The following CSTF3 variants were observed in gnomAD, a reference collection of about 807,000 sequenced individuals.
CSTF3 encodes the protein cleavage stimulation factor subunit 3, also known as CF-1 77 kDa subunit.
A neutral mutation model predicts 105.8 loss-of-function variants in CSTF3; 29 were observed. The ratio of observed to expected loss-of-function variants is 0.27; its 90% CI spans 0.20 to 0.37. The LOEUF (loss-of-function observed/expected upper bound fraction) is 0.37, where lower values mean the gene tolerates loss of function less well. CSTF3 is among the 10% of genes least tolerant of loss of function. CSTF3 has a pLI of 1.00. For missense variants in CSTF3, 357 were observed against 879.3 expected, an observed-to-expected ratio of 0.41 and a Z score of 7.51; for synonymous variants, 252 against 281.9, an observed-to-expected ratio of 0.89 and a Z score of 1.06.
At chr11:33,143,627 G>C (rs1374966046) in intron 1 of CSTF3, among the ~76,000 whole-genome samples, 1 of 152,136 alleles carries the variant, frequency 6.6e-6, no homozygotes, top group South Asian at 2.1e-4. Context: ...GTGTGTGCCT[G>C]TAATCCCTGC....
intron 3 of CSTF3, among the ~76,000 whole-genome samples, chr11:33,135,316 G>A (rs960835982): frequency 6.6e-6 from 1 of 152,126 alleles, no homozygotes; most frequent in African/African-American, 2.4e-5. Context: ...AGCAAGCCAG[G>A]AGACTAATCA....
At chr11:33,094,976 G>A (rs745459950) in intron 15 of CSTF3, among the ~76,000 whole-genome samples, 35 of 152,204 alleles carry the variant, frequency 2.3e-4, no homozygotes, top group Non-Finnish European at 3.8e-4. Flanking sequence ...TCGGCTCACC[G>A]CAGCCTCCCC....
chr11:33,156,123 C>T (rs1185915706), intron 1 of CSTF3, among the ~76,000 whole-genome samples: 3 of 152,186 alleles, frequency 2.0e-5, no homozygotes, highest in African/African-American at 7.2e-5. Flanking sequence ...TTTGATAATG[C>T]TCCAGTTTCC....
intron 3 of CSTF3, among the ~76,000 whole-genome samples, chr11:33,125,908 G>A (rs1009712018): frequency 6.6e-6 from 1 of 152,106 alleles, no homozygotes; most frequent in Admixed American, 6.6e-5. Context: ...CCTTAGTGCT[G>A]TAAGTTCAAT....
chr11:33,091,798 T>C (rs1338817041), intron 16 of CSTF3, among the ~76,000 whole-genome samples: 2 of 152,036 alleles, frequency 1.3e-5, no homozygotes, highest in African/African-American at 4.8e-5. Context: ...AGCCTCAACC[T>C]CCTGGGCTCA....
At chr11:33,129,394 C>CT (rs967909642) in intron 3 of CSTF3, among the ~76,000 whole-genome samples, 2,504 of 144,090 alleles carry the variant, frequency 0.017, 21 homozygotes, top group Middle Eastern at 0.033. Context: ...GCCCGGCCTA[C>CT]TTTTTTTTTT....
At position 33,098,705 on chromosome 11, in the gene CSTF3, A is replaced by C; in HGVS notation, c.1113T>G (p.Asp371Glu). ...SIYNRLLAIE[D>E]IDPTLVYIQY... ...AGTTACTCACCAAGGTAGGGTCAAT[A>C]TCCTCAATTGCCAGAAGTCTGTTAT... The change falls in exon 13 of 21, where the codon GAT becomes GAG. Residue 371 changes from aspartate to glutamate, a missense_variant. By Grantham distance (45) the Asp-to-Glu change is conservative. This residue lies in a region of CSTF3 where 206 missense variants were observed against 576.5 expected (regional missense o/e 0.36). Coordinates refer to ENST00000323959, the MANE Select transcript of CSTF3 (RefSeq NM_001326.3). 6.3e-7 allele frequency: 1 copy of C among 1,583,482 alleles called. No homozygotes were observed. The highest frequency in any genetic ancestry group is 8.6e-7 in the Non-Finnish European group (1 of 1,166,956).
At chr11:33,157,937 C>T (rs1294839570) in intron 1 of CSTF3, among the ~76,000 whole-genome samples, 1 of 152,136 alleles carries the variant, frequency 6.6e-6, no homozygotes, top group Non-Finnish European at 1.5e-5. Flanking sequence ...TGGATACTCT[C>T]TTTTCCTCCA....
intron 5 of CSTF3, among the ~76,000 whole-genome samples, chr11:33,106,671 TAAGTATATA>T (rs1331075623): frequency 6.6e-6 from 1 of 152,216 alleles, no homozygotes; most frequent in Non-Finnish European, 1.5e-5. Flanking sequence ...AGACATCTTT[TAAGTATATA>T]AAGTCGTTCT....
intron 15 of CSTF3, among the ~76,000 whole-genome samples, chr11:33,092,824 C>T (rs926450025): frequency 2.6e-5 from 4 of 152,148 alleles, no homozygotes; most frequent in African/African-American, 7.2e-5. Context: ...TTAACTCTTG[C>T]AGAGGTACAA....
intron 3 of CSTF3, among the ~76,000 whole-genome samples, chr11:33,131,631 G>A (rs1855600232): frequency 1.3e-5 from 2 of 152,106 alleles, no homozygotes; most frequent in African/African-American, 4.8e-5. Context: ...CGGATCACGA[G>A]GTCAGGAGAT....
intron 3 of CSTF3, among the ~76,000 whole-genome samples, chr11:33,115,798 A>G (rs1327770408): frequency 6.6e-6 from 1 of 152,200 alleles, no homozygotes; most frequent in Non-Finnish European, 1.5e-5. Flanking sequence ...TATAAATGCC[A>G]GGTGTAGTAG....
intron 1 of CSTF3, among the ~76,000 whole-genome samples, chr11:33,146,816 A>AT (rs1855789558): frequency 6.6e-6 from 1 of 152,070 alleles, no homozygotes; most frequent in South Asian, 2.1e-4. Flanking sequence ...CTTGGGATAC[A>AT]TAACAAAATA....
chr11:33,131,432 T>C (rs1444069102), intron 3 of CSTF3, among the ~76,000 whole-genome samples: 5 of 152,186 alleles, frequency 3.3e-5, no homozygotes, highest in Admixed American at 3.3e-4. Context: ...AAACCTACTA[T>C]ATATTAATAG....
At position 33,099,270 on chromosome 11, in the gene CSTF3, T is replaced by C; in HGVS notation, c.937-120A>G. 8.4e-7 allele frequency: 1 copy of C among 1,185,496 alleles called. No homozygotes were observed. The highest frequency in any genetic ancestry group is 1.2e-6 in the Non-Finnish European group (1 of 853,532). The allele number at this position is 1,185,496 out of a possible 1,614,324, so 73.4% of individuals were successfully genotyped here. On this transcript the variant is annotated intron_variant, in intron 11 of 20. Coordinates refer to ENST00000323959, the MANE Select transcript of CSTF3 (RefSeq NM_001326.3). This position sits in a 1 kb window ranked among gnomAD's most constrained non-coding sequence, Gnocchi z 4.1. The stretch of plus-strand genomic sequence containing the variant: ...GTGTCTAAGAAAGCATACATGTATG[T>C]ACACACATATATATGTATCCACACA...
intron 1 of CSTF3, among the ~76,000 whole-genome samples, chr11:33,147,200 G>A (rs1221435202): frequency 6.6e-6 from 1 of 152,104 alleles, no homozygotes; most frequent in South Asian, 2.1e-4. Flanking sequence ...GGGACACTGA[G>A]GCAGGAAGAT....
chr11:33,095,029 G>T (rs1006102927), intron 15 of CSTF3, among the ~76,000 whole-genome samples: 1 of 152,140 alleles, frequency 6.6e-6, no homozygotes, highest in African/African-American at 2.4e-5. Context: ...CTCCCCAGTA[G>T]CTGGGATTAC....
intron 17 of CSTF3, among the ~76,000 whole-genome samples, 181 bp downstream of exon 17, chr11:33,090,351 G>A (rs1447614939): frequency 6.6e-6 from 1 of 152,126 alleles, no homozygotes; most frequent in Non-Finnish European, 1.5e-5. Flanking sequence ...ATTTTGTTCA[G>A]CTACTTTGAC....
intron 3 of CSTF3, among the ~76,000 whole-genome samples, chr11:33,135,252 C>A (rs1855641624): frequency 6.6e-6 from 1 of 152,128 alleles, no homozygotes; most frequent in Non-Finnish European, 1.5e-5. Context: ...CTAACAGTTA[C>A]AATATACTAA....
Sources: allele counts gnomAD v4.1 joint callset (sites outside exome capture counted in the v4.1 genomes callset), GRCh38; gene constraint gnomAD v4.1.1; regional missense constraint gnomAD v4.1.1; non-coding constraint Gnocchi (gnomAD v3.1); transcripts MANE v1.5; gene names NCBI Gene and HGNC (gene_info 2026-07-23, HGNC 2026-07-21).